The following EXT1 variants were observed in gnomAD, a reference collection of about 807,000 sequenced individuals.
The protein encoded by EXT1 is exostosin glycosyltransferase 1, also known as exostosin-1.
EXT1 carries 20 observed loss-of-function variants against 82.5 expected under a neutral mutation model. The ratio of observed to expected loss-of-function variants is 0.24; its 90% CI spans 0.17 to 0.35. The LOEUF is 0.35. Ranked by LOEUF, EXT1 falls within the 10% of genes least tolerant of loss-of-function variation. The pLI, the probability that EXT1 is intolerant of heterozygous loss-of-function variation, is 1.00. For missense variants in EXT1, 757 were observed against 936.5 expected (o/e 0.81, Z 2.50); for synonymous variants, 348 against 350.8 (o/e 0.99, Z 0.09).
intron 1 of EXT1, among the ~76,000 whole-genome samples, chr8:117,908,921 CAAA>C (rs1813591631): frequency 6.6e-6 from 1 of 151,966 alleles, no homozygotes; most frequent in South Asian, 2.1e-4. Context: ...CCCAGGAGTT[CAAA>C]ACCAGCCTGG....
intron 1 of EXT1, among the ~76,000 whole-genome samples, chr8:118,107,030 C>T (rs998550074): frequency 2.6e-5 from 4 of 152,166 alleles, no homozygotes; most frequent in East Asian, 1.9e-4. Context: ...TTGTAATCAA[C>T]GTCTAATTTT....
intron 5 of EXT1, among the ~76,000 whole-genome samples, chr8:117,821,820 CAAATACATAAATGTCT>C (rs966011120): frequency 2.6e-5 from 4 of 152,106 alleles, no homozygotes. Flanking sequence ...ACTGGGGGTC[CAAATACATAAATGTCT>C]AAGGCAATAA....
rs1004586585 is a variant in EXT1 at position 117,798,208 on chromosome 8, TGAAAATAAATG to T, written c.*1493_*1503del. 6.6e-6 allele frequency: 1 copy of T among 152,120 alleles called. No individual in the cohort carries two copies. The highest frequency in any genetic ancestry group is 2.4e-5 in the African/African-American group (1 of 41,420). 9.4% of individuals were successfully genotyped at this position (152,120 alleles called of 1,614,324 possible). A position where few individuals can be genotyped will look rare whatever the true frequency, so the allele number is the denominator to read the frequency against. ...ATGAACTTTTCTTCTAAAACAAAACTGAAAATAAATGGAAAAGAAATATGAAATGTATGAGA... is the reference window on the plus strand; with the variant it reads ...ATGAACTTTTCTTCTAAAACAAAACTGAAAAGAAATATGAAATGTATGAGA... On this transcript the variant is annotated 3_prime_UTR_variant, in exon 11 of 11. Coordinates refer to ENST00000378204, the MANE Select transcript of EXT1 (RefSeq NM_000127.3).
intron 8 of EXT1, among the ~76,000 whole-genome samples, chr8:117,809,245 T>TATA (rs1563874289): frequency 1.8e-4 from 12 of 66,088 alleles, no homozygotes; most frequent in South Asian, 9.1e-4. Context: ...ATATATATAT[T>TATA]ATGTTCTATT....
At chr8:118,059,796 C>T (rs1273082527) in intron 1 of EXT1, among the ~76,000 whole-genome samples, 2 of 152,226 alleles carry the variant, frequency 1.3e-5, no homozygotes, top group African/African-American at 4.8e-5. Flanking sequence ...TCCCATAATA[C>T]TCACCATGTT....
chr8:118,020,608 A>T (rs1192495133), intron 1 of EXT1, among the ~76,000 whole-genome samples: 1 of 150,146 alleles, frequency 6.7e-6, no homozygotes, highest in Non-Finnish European at 1.5e-5. Context: ...TTTGATTAAA[A>T]CACAGAATAT....
chr8:118,003,285 A>G (rs931539246), intron 1 of EXT1, among the ~76,000 whole-genome samples: 4 of 152,088 alleles, frequency 2.6e-5, no homozygotes, highest in Non-Finnish European at 5.9e-5. Flanking sequence ...ATAAAAGACT[A>G]CACATTGGGT....
chr8:117,856,675 T>C (rs145379229), intron 1 of EXT1, among the ~76,000 whole-genome samples: 2 of 152,166 alleles, frequency 1.3e-5, no homozygotes, highest in African/African-American at 4.8e-5. Flanking sequence ...GCCATTTCCA[T>C]ATCATAATAG....
At chr8:117,968,858 TG>T (rs1814883358) in intron 1 of EXT1, among the ~76,000 whole-genome samples, 1 of 146,348 alleles carries the variant, frequency 6.8e-6, no homozygotes, top group Non-Finnish European at 1.5e-5. Context: ...CGTGAGCCAC[TG>T]TGCCCAGCCA....
rs368672586 is a variant in EXT1, at chr8:118,070,705, A to G, written c.962+39380T>C. 1.9e-4 allele frequency among the ~76,000 whole-genome samples: 29 copies of G among 152,322 alleles called. No homozygotes were observed. The South Asian group carries it at 5.8e-3, about 30-fold the overall frequency. On this transcript the variant is annotated intron_variant, in intron 1 of 10. Transcript: ENST00000378204. ...TTGTATTTTATCATGTACAAATAATATATTAGAATCACAAGAATAGCAGAC... is the reference window on the plus strand; with the variant it reads ...TTGTATTTTATCATGTACAAATAATGTATTAGAATCACAAGAATAGCAGAC...
intron 1 of EXT1, among the ~76,000 whole-genome samples, chr8:117,983,927 T>C (rs1226642213): frequency 6.6e-6 from 1 of 152,110 alleles, no homozygotes; most frequent in Admixed American, 6.6e-5. Context: ...CTTCAGAGAG[T>C]TGTAGTTGAG....
At chr8:118,007,912 G>A (rs779096364) in intron 1 of EXT1, among the ~76,000 whole-genome samples, 1 of 152,214 alleles carries the variant, frequency 6.6e-6, no homozygotes, top group Admixed American at 6.5e-5. Flanking sequence ...TATCTATGGT[G>A]GAGAGGGGCA....
intron 1 of EXT1, among the ~76,000 whole-genome samples, chr8:118,100,362 C>A (rs1049500414): frequency 6.6e-6 from 1 of 152,140 alleles, no homozygotes; most frequent in Non-Finnish European, 1.5e-5. Context: ...AACATAAGGG[C>A]CTGCTGAACC....
In EXT1 at chr8:118,035,425, T is replaced by G. The variant is rs1417152583; in HGVS notation, c.962+74660A>C. Reference sequence around the variant, plus strand: ...GTTATTTAAAGTCTTAAAAATAAAATTGCCTTTTTAAAAGTTCAGCATTTT... The same window carrying G: ...GTTATTTAAAGTCTTAAAAATAAAAGTGCCTTTTTAAAAGTTCAGCATTTT... On this transcript the variant is annotated intron_variant, in intron 1 of 10. Coordinates refer to ENST00000378204, the MANE Select transcript of EXT1 (RefSeq NM_000127.3). Among the ~76,000 whole-genome samples the G allele has an allele frequency of 3.3e-5, 5 of 152,258 alleles. No individual in the cohort carries two copies. In the East Asian group the frequency reaches 9.6e-4, roughly 29 times the overall value.
chr8:118,000,543 G>T (rs922416525), intron 1 of EXT1, among the ~76,000 whole-genome samples: 1 of 152,198 alleles, frequency 6.6e-6, no homozygotes, highest in African/African-American at 2.4e-5. Flanking sequence ...TGTCTTAGCT[G>T]TAGCTAGGAA....
At chr8:117,918,708 T>C (rs1318922967) in intron 1 of EXT1, among the ~76,000 whole-genome samples, 3 of 152,148 alleles carry the variant, frequency 2.0e-5, no homozygotes, top group Admixed American at 6.5e-5. Context: ...GAACTGAGCG[T>C]CCCACTGAGC....
At chr8:117,835,592 C>G (rs770604391) in intron 2 of EXT1, 41 bp from the exon 3 acceptor site, 2 of 1,430,734 alleles carry the variant, frequency 1.4e-6, no homozygotes, top group South Asian at 2.3e-5. Context: ...AGGAAAGCGA[C>G]AGCAGAAGCT....
rs142299470 is a variant in EXT1 at position 117,852,112 on chromosome 8, A to G, written c.963-14911T>C. Among the ~76,000 whole-genome samples the G allele has an allele frequency of 3.5e-3, 532 of 152,316 alleles. 5 individuals carry two copies. Among genetic ancestry groups the G allele is most frequent in the East Asian group, 0.013 (69 of 5,190 alleles). On this transcript the variant is annotated intron_variant, in intron 1 of 10. Coordinates refer to ENST00000378204, the MANE Select transcript of EXT1 (RefSeq NM_000127.3). ...TATATCTCCCATTTTGTAGAAGAGG[A>G]AATTGAGGATTACACCTAATTTGTC...
chr8:117,935,634 GCTA>G (rs1814145050), intron 1 of EXT1, among the ~76,000 whole-genome samples: 2 of 152,042 alleles, frequency 1.3e-5, no homozygotes, highest in African/African-American at 4.8e-5. Context: ...CTCCCAAAGT[GCTA>G]GGATTACAGG....
Sources: gnomAD v4.1 joint callset for allele counts (sites outside exome capture counted in the v4.1 genomes callset) on GRCh38, gnomAD v4.1.1 for gene constraint, MANE v1.5 for transcripts, NCBI Gene and HGNC (gene_info 2026-07-23, HGNC 2026-07-21) for gene names.